BRWD1: variants seen among roughly 807,000 people sequenced by gnomAD.
The protein encoded by BRWD1 is bromodomain and WD repeat domain containing 1.
A neutral mutation model predicts 251.2 loss-of-function variants in BRWD1; 82 were observed. That is an observed-to-expected ratio of 0.33 (90% CI 0.27 to 0.39). The LOEUF is 0.39. BRWD1 is among the 10% of genes least tolerant of loss of function. The pLI is 1.00. For synonymous variants in BRWD1, 918 were observed against 902.8 expected (o/e 1.02, Z -0.30); for missense variants, 2,233 against 2,711.6 (o/e 0.82, Z 3.92).
chr21:39,287,515 T>C (rs1395090575), intron 8 of BRWD1, among the ~76,000 whole-genome samples: 1 of 152,240 alleles, frequency 6.6e-6, no homozygotes, highest in Non-Finnish European at 1.5e-5. Context: ...TGTCTTGTTT[T>C]TCTCTGTATT....
chr21:39,269,696 C>T (rs1167698009), intron 15 of BRWD1, among the ~76,000 whole-genome samples: 1 of 152,088 alleles, frequency 6.6e-6, no homozygotes, highest in Non-Finnish European at 1.5e-5. Context: ...AAAAATGTCT[C>T]CCTCATATAA....
chr21:39,312,623 C>T (rs1342076631), intron 4 of BRWD1: 3 of 381,750 alleles, frequency 7.9e-6, no homozygotes, highest in African/African-American at 2.2e-5. Context: ...CCCACCGCTC[C>T]GCCCCGCGCC....
chr21:39,301,595 C>T (rs974074894), intron 4 of BRWD1, among the ~76,000 whole-genome samples: 2 of 152,172 alleles, frequency 1.3e-5, no homozygotes, highest in South Asian at 4.1e-4. Context: ...TTTGACTGCA[C>T]CTTCAGAGAA....
chr21:39,290,424 G>C (rs1601473138), intron 8 of BRWD1, among the ~76,000 whole-genome samples: 1 of 150,978 alleles, frequency 6.6e-6, no homozygotes, highest in Non-Finnish European at 1.5e-5. Flanking sequence ...CCATGAGGCA[G>C]AGATTGCAGT....
intron 31 of BRWD1, among the ~76,000 whole-genome samples, chr21:39,217,829 C>T (rs1029493003): frequency 6.6e-6 from 1 of 151,824 alleles, no homozygotes; most frequent in Non-Finnish European, 1.5e-5. Flanking sequence ...ATTATGTCTT[C>T]AATCATGTAT....
At chr21:39,320,554 C>T (rs1271574737) in intron 1 of BRWD1, among the ~76,000 whole-genome samples, 1 of 151,896 alleles carries the variant, frequency 6.6e-6, no homozygotes, top group Non-Finnish European at 1.5e-5. Context: ...AGGTTGGTCT[C>T]GAACTCCTGG....
At chr21:39,300,164 G>A (rs2146768376) in intron 4 of BRWD1, among the ~76,000 whole-genome samples, 1 of 152,218 alleles carries the variant, frequency 6.6e-6, no homozygotes, top group East Asian at 1.9e-4. Flanking sequence ...CAGTGAGTCT[G>A]CACACCTACC....
At chr21:39,185,346 G>A (rs1601202610), downstream of BRWD1, 1 of 121,876 alleles carries the variant, frequency 8.2e-6, no homozygotes, top group Non-Finnish European at 1.8e-5. Context: ...AGTCTTCACC[G>A]AGTTAAGTAT....
rs1379361497 is a variant in BRWD1, at chr21:39,196,052, A to G, written c.*207T>C. 1 of 1,286,622 alleles carries G rather than the reference A, an allele frequency of 7.8e-7. No homozygotes were observed. 79.7% of individuals were successfully genotyped at this position (1,286,622 alleles called of 1,614,324 possible). ...AATAGATCTGCCCCCAAAATGAAGC[A>G]TATTTTGGCACCTGTGCTGAATGCT... On this transcript the variant is annotated 3_prime_UTR_variant, in exon 41 of 41. Coordinates refer to ENST00000342449, the MANE Select transcript of BRWD1 (RefSeq NM_033656.4).
chr21:39,318,014 TGC>T (rs1172840781), upstream of BRWD1, among the ~76,000 whole-genome samples: 1 of 152,132 alleles, frequency 6.6e-6, no homozygotes, highest in Non-Finnish European at 1.5e-5. Context: ...GGTACCACTG[TGC>T]TCCAGCCTGG....
intron 10 of BRWD1, among the ~76,000 whole-genome samples, chr21:39,278,123 AC>A (rs1225715474): frequency 1.3e-5 from 2 of 152,140 alleles, no homozygotes; most frequent in Admixed American, 6.6e-5. Flanking sequence ...GACTGGGATT[AC>A]AGGCATTGAG....
chr21:39,269,749 T>C (rs1437901740), intron 15 of BRWD1, 150 bp downstream of exon 15: 2 of 514,578 alleles, frequency 3.9e-6, no homozygotes, highest in South Asian at 7.5e-5. Context: ...TATATACATG[T>C]AGCTGTCTAA....
In BRWD1 at chr21:39,192,364, G is replaced by C. The variant is rs1189985354; in HGVS notation, c.*3895C>G. 1.0e-6 allele frequency: 1 copy of C among 984,810 alleles called. No individual in the cohort carries two copies. Among genetic ancestry groups the C allele is most frequent in the African/African-American group, 1.8e-5 (1 of 57,122 alleles). 61.0% of individuals were successfully genotyped at this position (984,810 alleles called of 1,614,324 possible). A position where few individuals can be genotyped will look rare whatever the true frequency, so the allele number is the denominator to read the frequency against. On this transcript the variant is annotated 3_prime_UTR_variant, in exon 41 of 41. Coordinates refer to ENST00000342449, the MANE Select transcript of BRWD1 (RefSeq NM_033656.4). The stretch of plus-strand genomic sequence containing the variant: ...ATGCTCTATTTTCTCACCTAGTTTT[G>C]ACAAATTTATTCCTTCTCTTCCCAA...
intron 8 of BRWD1, among the ~76,000 whole-genome samples, chr21:39,284,798 T>C (rs142372513): frequency 4.6e-5 from 7 of 152,350 alleles, no homozygotes; most frequent in African/African-American, 1.7e-4. Context: ...TTGAGTTCCT[T>C]ATATGTTCTG....
intron 4 of BRWD1, among the ~76,000 whole-genome samples, chr21:39,299,449 A>C (rs896982519): frequency 6.6e-6 from 1 of 152,194 alleles, no homozygotes; most frequent in South Asian, 2.1e-4. Context: ...GCCAGGAGCC[A>C]TAAGTGGATA....
In BRWD1 at chr21:39,200,406, A is replaced by C; in HGVS notation, c.4586-20T>G. 1 of 1,602,984 alleles carries C rather than the reference A, an allele frequency of 6.2e-7. No individual in the cohort carries two copies. Among genetic ancestry groups the C allele is most frequent in the Non-Finnish European group, 8.5e-7 (1 of 1,173,266 alleles). Reference sequence around the variant, plus strand: ...CACTTTCTAGGAAAAATAAAGTGTAAATAGTTACATATATTCTCCTGTCTT... The same window carrying C: ...CACTTTCTAGGAAAAATAAAGTGTACATAGTTACATATATTCTCCTGTCTT... On this transcript the variant is annotated intron_variant, in intron 38 of 40. Transcript: ENST00000342449.
intron 27 of BRWD1, among the ~76,000 whole-genome samples, chr21:39,228,140 T>C (rs1444242610): frequency 6.6e-6 from 1 of 151,874 alleles, no homozygotes; most frequent in Non-Finnish European, 1.5e-5. Flanking sequence ...ATACAAAAAT[T>C]AGCCGGGCGT....
At chr21:39,312,766 TC>T in intron 4 of BRWD1, 74 bp downstream of exon 4, 2 of 1,265,218 alleles carry the variant, frequency 1.6e-6, no homozygotes, top group Non-Finnish European at 2.2e-6. Flanking sequence ...CGGGCCGGGG[TC>T]CCCGCGAGGG....
chr21:39,236,744 C>G lies in BRWD1; in HGVS notation c.2617G>C (p.Gly873Arg). The change falls in exon 23 of 41, where the codon GGC becomes CGC. Residue 873 changes from glycine (G) to arginine (R), a missense_variant. Gly to Arg is a moderately radical substitution (Grantham distance 125). Coordinates refer to ENST00000342449, the MANE Select transcript of BRWD1 (RefSeq NM_033656.4). ...CTTAAAGGAGGCTGCAAATTGATGC[C>G]CGCATCAGCTGTCCAATCGGAATAT... ...SRYSDWTADA[G>R]INLQPPLRTS... 6.2e-7 allele frequency: 1 copy of G among 1,613,916 alleles called. No individual in the cohort carries two copies. The highest frequency in any genetic ancestry group is 8.5e-7 in the Non-Finnish European group (1 of 1,179,966).
Sources: allele counts gnomAD v4.1 joint callset (sites outside exome capture counted in the v4.1 genomes callset), GRCh38; gene constraint gnomAD v4.1.1; transcripts MANE v1.5; gene names NCBI Gene and HGNC (gene_info 2026-07-23, HGNC 2026-07-21).